The following FRMD4A variants were observed in gnomAD, a reference collection of about 807,000 sequenced individuals.
The protein encoded by FRMD4A is FERM domain containing 4A.
In FRMD4A, 29 loss-of-function variants were observed where a neutral mutation model predicts 129.1. The observed-to-expected ratio is 0.22, with a 90% CI of 0.17 to 0.31. The LOEUF (loss-of-function observed/expected upper bound fraction) is 0.31, where lower values mean the gene tolerates loss of function less well. FRMD4A is among the 10% of genes least tolerant of loss of function. The probability of loss-of-function intolerance (pLI) is 1.00; values close to 1 mark genes in which losing one functional copy is unlikely to be tolerated. For missense variants in FRMD4A, 1,272 were observed against 1,375.8 expected, an observed-to-expected ratio of 0.92 and a Z score of 1.19; for synonymous variants, 634 against 571.6, an observed-to-expected ratio of 1.11 and a Z score of -1.56.
intron 2 of FRMD4A, among the ~76,000 whole-genome samples, chr10:14,229,088 T>G (rs1056612403): frequency 4.9e-5 from 7 of 143,940 alleles, no homozygotes; most frequent in Non-Finnish European, 1.1e-4. Context: ...TTTTTTCTTG[T>G]TTTTTTTTTG....
intron 12 of FRMD4A, among the ~76,000 whole-genome samples, chr10:13,727,271 A>G (rs1272511837): frequency 1.3e-5 from 2 of 152,156 alleles, no homozygotes; most frequent in African/African-American, 4.8e-5. Flanking sequence ...ACTGAGAACC[A>G]CTGCTGTAGA....
At chr10:13,950,326 G>T (rs1328643654) in intron 2 of FRMD4A, among the ~76,000 whole-genome samples, 2 of 152,198 alleles carry the variant, frequency 1.3e-5, no homozygotes, top group Admixed American at 6.5e-5. Context: ...ACTCAAGACT[G>T]GTTTTAACTT....
At chr10:13,771,872 G>C (rs557656726) in intron 6 of FRMD4A, among the ~76,000 whole-genome samples, 10 of 152,128 alleles carry the variant, frequency 6.6e-5, no homozygotes, top group Non-Finnish European at 1.3e-4. Flanking sequence ...TGGAGCCCTG[G>C]AGTTCAAGAC....
intron 12 of FRMD4A, among the ~76,000 whole-genome samples, chr10:13,737,089 C>T (rs2090672252): frequency 6.6e-6 from 1 of 152,052 alleles, no homozygotes; most frequent in Non-Finnish European, 1.5e-5. Flanking sequence ...TATTTTTCAG[C>T]TTTTCTGTTT....
intron 2 of FRMD4A, among the ~76,000 whole-genome samples, chr10:14,018,697 T>A (rs1054837377): frequency 1.3e-5 from 2 of 152,076 alleles, no homozygotes; most frequent in African/African-American, 4.8e-5. Context: ...ATTGCAATTG[T>A]CCAAATGAGA....
chr10:14,208,876 T>G (rs2131952380), intron 2 of FRMD4A, among the ~76,000 whole-genome samples: 3 of 152,266 alleles, frequency 2.0e-5, no homozygotes, highest in South Asian at 4.2e-4. Context: ...GAAAGGCCGC[T>G]AAGTTGCTCC....
chr10:13,850,073 G>A (rs1016113637), intron 3 of FRMD4A, among the ~76,000 whole-genome samples: 8 of 151,932 alleles, frequency 5.3e-5, no homozygotes, highest in Non-Finnish European at 2.9e-5. Context: ...GGAGGCTGAG[G>A]CAGGAGAAGC....
intron 2 of FRMD4A, chr10:13,866,309 C>A (rs1589088929): frequency 9.2e-6 from 9 of 976,672 alleles, no homozygotes; most frequent in Non-Finnish European, 1.1e-5. Context: ...CCACAGGACA[C>A]CCTGAGGATG....
intron 4 of FRMD4A, among the ~76,000 whole-genome samples, chr10:13,797,545 C>T (rs373682451): frequency 6.6e-6 from 1 of 152,142 alleles, no homozygotes; most frequent in Non-Finnish European, 1.5e-5. Flanking sequence ...GGCCATGTCT[C>T]GGAGGCTGGT....
chr10:14,330,593 A>T lies in FRMD4A; in HGVS notation c.-82+4T>A, dbSNP rs969936906. ...GCATAAACATGCTGAATGTCACAACATACCGCTCGCAATCTGGTCAGTGTC... is the reference window on the plus strand; with the variant it reads ...GCATAAACATGCTGAATGTCACAACTTACCGCTCGCAATCTGGTCAGTGTC... On this transcript the variant is annotated splice_donor_region_variant and intron_variant, in intron 1 of 24. Coordinates refer to ENST00000357447, the MANE Select transcript of FRMD4A (RefSeq NM_018027.5). The T allele has an allele frequency of 5.2e-5, 21 of 401,648 alleles. No homozygotes were observed. The highest frequency in any genetic ancestry group is 4.2e-4 in the Admixed American group (10 of 23,628). The allele number at this position is 401,648 out of a possible 1,614,324, so 24.9% of individuals were successfully genotyped here. A position where few individuals can be genotyped will look rare whatever the true frequency, so the allele number is the denominator to read the frequency against.
At chr10:13,650,413 CATGAACTCGTGT>C (rs906210041) in intron 24 of FRMD4A, among the ~76,000 whole-genome samples, 3 of 150,296 alleles carry the variant, frequency 2.0e-5, no homozygotes, top group Non-Finnish European at 2.9e-5. Context: ...TATGCATGAG[CATGAACTCGTGT>C]ATGTATTCGT....
intron 2 of FRMD4A, among the ~76,000 whole-genome samples, chr10:13,991,433 C>T (rs898369006): frequency 6.6e-6 from 1 of 152,196 alleles, no homozygotes; most frequent in Non-Finnish European, 1.5e-5. Flanking sequence ...AACGGGACCC[C>T]CTCTGTTCTT....
chr10:13,672,419 T>C (rs2083589969), intron 16 of FRMD4A, among the ~76,000 whole-genome samples: 1 of 152,116 alleles, frequency 6.6e-6, no homozygotes, highest in African/African-American at 2.4e-5. Flanking sequence ...TTTTATATTG[T>C]CAGGACTTGA....
At chr10:14,290,277 T>G (rs1845810467) in intron 2 of FRMD4A, among the ~76,000 whole-genome samples, 1 of 152,076 alleles carries the variant, frequency 6.6e-6, no homozygotes, top group Non-Finnish European at 1.5e-5. Flanking sequence ...CAAAGCAGTC[T>G]TGAGAAAGAA....
At chr10:13,735,506 C>G (rs1269046722) in intron 12 of FRMD4A, among the ~76,000 whole-genome samples, 1 of 152,154 alleles carries the variant, frequency 6.6e-6, no homozygotes, top group African/African-American at 2.4e-5. Context: ...ATTGACTGAG[C>G]CCTAGCTATG....
intron 8 of FRMD4A, among the ~76,000 whole-genome samples, chr10:13,751,080 G>C (rs1012865596): frequency 5.3e-5 from 8 of 152,202 alleles, no homozygotes; most frequent in African/African-American, 1.9e-4. Flanking sequence ...CCATGAGAAA[G>C]GCAATTAGTG....
chr10:14,153,083 T>C (rs550131065), intron 2 of FRMD4A, among the ~76,000 whole-genome samples: 4 of 152,272 alleles, frequency 2.6e-5, no homozygotes, highest in South Asian at 4.1e-4. Flanking sequence ...CCTACTGTGG[T>C]CTTTCCAATG....
intron 2 of FRMD4A, among the ~76,000 whole-genome samples, chr10:14,241,140 C>T (rs1175154125): frequency 6.6e-6 from 1 of 152,166 alleles, no homozygotes; most frequent in Non-Finnish European, 1.5e-5. Context: ...CATCAAAATG[C>T]AGTGCTTTCA....
At chr10:14,154,103 G>A (rs1467440357) in intron 2 of FRMD4A, among the ~76,000 whole-genome samples, 1 of 152,182 alleles carries the variant, frequency 6.6e-6, no homozygotes. Context: ...TGACTGGAAA[G>A]TATCTGGCAG....
Sources: allele counts gnomAD v4.1 joint callset (sites outside exome capture counted in the v4.1 genomes callset), GRCh38; gene constraint gnomAD v4.1.1; transcripts MANE v1.5; gene names NCBI Gene and HGNC (gene_info 2026-07-23, HGNC 2026-07-21).